Variants in SUSD6 observed in about 807,000 individuals in gnomAD.
SUSD6 encodes the protein sushi domain-containing protein 6.
SUSD6 carries 16 observed loss-of-function variants against 28.4 expected under a neutral mutation model. The ratio of observed to expected loss-of-function variants is 0.56; its 90% CI spans 0.38 to 0.86. SUSD6 has a LOEUF of 0.86. Ranked by LOEUF, SUSD6 falls within the 40% of genes least tolerant of loss-of-function variation. The pLI is 0.00. For missense variants in SUSD6, 341 were observed against 384.2 expected (o/e 0.89, Z 0.94); for synonymous variants, 147 against 159.6 (o/e 0.92, Z 0.59).
chr14:69,661,838 T>C (rs1048220032), intron 2 of SUSD6, among the ~76,000 whole-genome samples: 6 of 152,214 alleles, frequency 3.9e-5, no homozygotes, highest in African/African-American at 1.4e-4. Flanking sequence ...TCTTACTCTG[T>C]TGCCAGGCTG....
intron 2 of SUSD6, among the ~76,000 whole-genome samples, chr14:69,662,761 A>C (rs1885681829): frequency 6.6e-6 from 1 of 152,230 alleles, no homozygotes; most frequent in African/African-American, 2.4e-5. Context: ...CTGTAGTCTT[A>C]AGAAACTTGC....
chr14:69,625,730 G>A (rs1448074404), intron 1 of SUSD6, among the ~76,000 whole-genome samples: 4 of 152,094 alleles, frequency 2.6e-5, no homozygotes, highest in South Asian at 2.1e-4. Context: ...TCCTCTCTCC[G>A]CCTCCTGGTC....
intron 1 of SUSD6, among the ~76,000 whole-genome samples, chr14:69,644,916 T>C (rs1885405103): frequency 6.6e-6 from 1 of 152,082 alleles, no homozygotes; most frequent in African/African-American, 2.4e-5. Context: ...TTTGTACAAT[T>C]AGAAGGTGAG....
chr14:69,674,376 G>T (rs186682688), intron 2 of SUSD6, among the ~76,000 whole-genome samples: 11 of 152,238 alleles, frequency 7.2e-5, no homozygotes, highest in African/African-American at 2.4e-4. Flanking sequence ...TCTTAACTTG[G>T]TACAGTTGTC....
At chr14:69,639,445 T>C (rs1415242490) in intron 1 of SUSD6, among the ~76,000 whole-genome samples, 1 of 152,094 alleles carries the variant, frequency 6.6e-6, no homozygotes, top group Non-Finnish European at 1.5e-5. Context: ...AGAAAAGTTT[T>C]GTTACATGTC....
intron 2 of SUSD6, among the ~76,000 whole-genome samples, chr14:69,676,402 A>G (rs904022242): frequency 6.8e-6 from 1 of 146,722 alleles, no homozygotes; most frequent in Non-Finnish European, 1.5e-5. Flanking sequence ...CCTTTTTGAG[A>G]CAGGTTCTTG....
At chr14:69,628,930 C>T (rs1445742190) in intron 1 of SUSD6, among the ~76,000 whole-genome samples, 1 of 152,048 alleles carries the variant, frequency 6.6e-6, no homozygotes, top group African/African-American at 2.4e-5. Flanking sequence ...TGGTCTTGAA[C>T]TCCTGGGCTC....
intron 2 of SUSD6, 96 bp downstream of exon 2, chr14:69,658,809 C>A (rs753389290): frequency 6.5e-7 from 1 of 1,537,712 alleles, no homozygotes; most frequent in South Asian, 1.1e-5. Context: ...TCCTGGCAGG[C>A]GGTTTCAGGG....
At chr14:69,646,579 A>G (rs1282714571) in intron 1 of SUSD6, among the ~76,000 whole-genome samples, 2 of 152,100 alleles carry the variant, frequency 1.3e-5, no homozygotes, top group Non-Finnish European at 2.9e-5. Flanking sequence ...AATAATCTGA[A>G]TGAAATTCAT....
chr14:69,654,882 C>T (rs1440876950), intron 1 of SUSD6, among the ~76,000 whole-genome samples: 1 of 148,076 alleles, frequency 6.8e-6, no homozygotes, highest in Non-Finnish European at 1.5e-5. Flanking sequence ...ACAACCTCCG[C>T]CTCCTGGGTT....
intron 1 of SUSD6, among the ~76,000 whole-genome samples, chr14:69,647,786 A>G (rs1885449324): frequency 6.6e-6 from 1 of 152,134 alleles, no homozygotes; most frequent in African/African-American, 2.4e-5. Context: ...GAAGTTTGAG[A>G]CCAGCCTGGC....
intron 1 of SUSD6, among the ~76,000 whole-genome samples, chr14:69,628,576 C>T (rs765455762): frequency 6.6e-6 from 1 of 152,194 alleles, no homozygotes; most frequent in Non-Finnish European, 1.5e-5. Flanking sequence ...TGCCCTGTGC[C>T]AGGCAGTGTG....
chr14:69,714,445 GAA>G lies in SUSD6; in HGVS notation c.*3475_*3476del. 6.8e-6 allele frequency: 1 copy of G among 146,690 alleles called. No individual in the cohort carries two copies. Among genetic ancestry groups the G allele is most frequent in the Non-Finnish European group, 1.5e-5 (1 of 66,386 alleles). The allele number at this position is 146,690 out of a possible 1,614,324, so 9.1% of individuals were successfully genotyped here. ...TGCATCCTTACTCCTCACCCCCAAA[GAA>G]AAAAAAAAGGCCTAGCAGGGAAGCA... On this transcript the variant is annotated 3_prime_UTR_variant, in exon 6 of 6. Transcript: ENST00000342745.
chr14:69,697,575 T>G (rs1886244603), intron 2 of SUSD6, among the ~76,000 whole-genome samples: 1 of 152,254 alleles, frequency 6.6e-6, no homozygotes, highest in African/African-American at 2.4e-5. Context: ...AATATTAAGA[T>G]TAATTTCACC....
At position 69,712,692 on chromosome 14, in the gene SUSD6, G is replaced by A. The variant is rs1886482391; in HGVS notation, c.*1713G>A. ...TTTTACCCTCTTGCCTCCTGCCTCC[G>A]CGCTTACACACGCACTTTACCACCC... is the stretch of plus-strand genomic sequence containing the variant. On this transcript the variant is annotated 3_prime_UTR_variant, in exon 6 of 6. Transcript: ENST00000342745. 3 of 152,516 alleles carry A rather than the reference G, an allele frequency of 2.0e-5. No individual in the cohort carries two copies. Among genetic ancestry groups the A allele is most frequent in the South Asian group, 2.1e-4 (1 of 4,832 alleles). 9.4% of individuals were successfully genotyped at this position (152,516 alleles called of 1,614,324 possible). A position where few individuals can be genotyped will look rare whatever the true frequency, so the allele number is the denominator to read the frequency against.
intron 2 of SUSD6, among the ~76,000 whole-genome samples, chr14:69,679,187 G>A (rs1024631245): frequency 1.3e-5 from 2 of 152,060 alleles, no homozygotes; most frequent in African/African-American, 4.8e-5. Context: ...TGGTTTTCAA[G>A]GACCTTTGAG....
chr14:69,704,626 T>C lies in SUSD6; in HGVS notation c.342T>C (p.Leu114=), dbSNP rs201326091. The change falls in exon 4 of 6, where the codon CTT becomes CTC. Residue 114 remains leucine (L), a synonymous_variant. Coordinates refer to ENST00000342745, the MANE Select transcript of SUSD6 (RefSeq NM_014734.4). ...TAGATAAAGACACCCACACATCACT[T>C]GGGGTCCCCACGCTGTCTATAGTGG... The part of the protein sequence containing the change: ...LNEDKDTHTS[L]GVPTLSIVAS... The C allele has an allele frequency of 1.2e-5, 19 of 1,613,872 alleles. No homozygotes were observed. The African/African-American group carries it at 2.5e-4, about 22-fold the overall frequency.
chr14:69,619,472 G>T (rs1485203321), intron 1 of SUSD6, among the ~76,000 whole-genome samples: 1 of 152,022 alleles, frequency 6.6e-6, no homozygotes, highest in East Asian at 1.9e-4. Context: ...ATTCAAAAAT[G>T]CCACCTGGCC....
chr14:69,647,230 A>G (rs1885440638), intron 1 of SUSD6, among the ~76,000 whole-genome samples: 1 of 152,120 alleles, frequency 6.6e-6, no homozygotes, highest in South Asian at 2.1e-4. Flanking sequence ...GCCACACTGA[A>G]ATTATATCAG....
Sources: allele counts gnomAD v4.1 joint callset (sites outside exome capture counted in the v4.1 genomes callset), GRCh38; gene constraint gnomAD v4.1.1; transcripts MANE v1.5; gene names NCBI Gene and HGNC (gene_info 2026-07-23, HGNC 2026-07-21).